PTPRN2: variants seen among roughly 807,000 people sequenced by gnomAD.
PTPRN2 encodes the protein receptor-type tyrosine-protein phosphatase N2.
A neutral mutation model predicts 118.8 loss-of-function variants in PTPRN2; 74 were observed. The observed-to-expected ratio is 0.62, with a 90% CI of 0.52 to 0.76. The LOEUF is 0.76. Ranked by LOEUF, PTPRN2 falls within the 30% of genes least tolerant of loss-of-function variation. The pLI is 0.00. For synonymous variants in PTPRN2, 641 were observed against 608.0 expected (o/e 1.05, Z -0.80); for missense variants, 1,481 against 1,394.4 (o/e 1.06, Z -0.99).
In PTPRN2 at chr7:158,168,796, T is replaced by C. The variant is rs116204240; in HGVS notation, c.550-1505A>G. Among the ~76,000 whole-genome samples, 306 of 152,298 alleles carry C rather than the reference T, an allele frequency of 2.0e-3. 2 individuals are homozygous for C. Among genetic ancestry groups the C allele is most frequent in the Middle Eastern group, 3.4e-3 (1 of 294 alleles). On this transcript the variant is annotated intron_variant, in intron 5 of 22. Transcript: ENST00000389418. ...ATGTCCTCATCACACTTTGTGTCACTAGATAAACCAAGGCCCAGCTGTCCT... is the reference window on the plus strand; with the variant it reads ...ATGTCCTCATCACACTTTGTGTCACCAGATAAACCAAGGCCCAGCTGTCCT...
At chr7:158,497,795 C>T (rs1822061495) in intron 1 of PTPRN2, among the ~76,000 whole-genome samples, 2 of 152,268 alleles carry the variant, frequency 1.3e-5, no homozygotes, top group Admixed American at 1.3e-4. Flanking sequence ...AGGGCCTGCC[C>T]CCTGCACAGC....
intron 2 of PTPRN2, among the ~76,000 whole-genome samples, chr7:158,323,902 T>C (rs557232004): frequency 1.1e-3 from 165 of 152,160 alleles, no homozygotes; most frequent in Non-Finnish European, 1.9e-3. Flanking sequence ...CACACACTTC[T>C]CCCATGCACG....
chr7:158,444,906 C>T (rs996525074), intron 2 of PTPRN2, among the ~76,000 whole-genome samples: 1 of 152,252 alleles, frequency 6.6e-6, no homozygotes, highest in Non-Finnish European at 1.5e-5. Flanking sequence ...CTTTCATCAA[C>T]AATTCTCCCC....
At position 157,982,238 on chromosome 7, in the gene PTPRN2, G is replaced by C. The variant is rs1309178909; in HGVS notation, c.1724-83501C>G. On this transcript the variant is annotated intron_variant, in intron 11 of 22. Coordinates refer to ENST00000389418, the MANE Select transcript of PTPRN2 (RefSeq NM_002847.5). ...AGAGATGAGGAGGGGAATGCAGAGT[G>C]CGGGGTCCCCCCAAACCCCGAGTCA... is the stretch of plus-strand genomic sequence containing the variant. 1.6e-3 allele frequency among the ~76,000 whole-genome samples: 202 copies of C among 123,828 alleles called. 1 individual carries two copies. Among genetic ancestry groups the C allele is most frequent in the African/African-American group, 4.3e-3 (120 of 28,102 alleles). 81.2% of individuals were successfully genotyped at this position (123,828 alleles called of 152,430 possible).
At chr7:157,692,707 C>T (rs1361959685) in intron 12 of PTPRN2, among the ~76,000 whole-genome samples, 1 of 151,948 alleles carries the variant, frequency 6.6e-6, no homozygotes, top group Non-Finnish European at 1.5e-5. Context: ...TCGGCGGGGG[C>T]GCGAGAGGCG....
At chr7:157,686,904 G>T (rs1462502824) in intron 12 of PTPRN2, among the ~76,000 whole-genome samples, 2 of 152,070 alleles carry the variant, frequency 1.3e-5, no homozygotes, top group Non-Finnish European at 2.9e-5. Context: ...AAAATAATCA[G>T]GAATGATTAA....
intron 21 of PTPRN2, among the ~76,000 whole-genome samples, chr7:157,558,876 G>A (rs1273171127): frequency 6.6e-6 from 1 of 152,206 alleles, no homozygotes; most frequent in Non-Finnish European, 1.5e-5. Flanking sequence ...GTTACGCATT[G>A]ACTCAGTTCC....
intron 3 of PTPRN2, among the ~76,000 whole-genome samples, chr7:158,239,438 C>A (rs994565238): frequency 6.6e-6 from 1 of 152,192 alleles, no homozygotes; most frequent in Non-Finnish European, 1.5e-5. Flanking sequence ...CGTAGCGCGG[C>A]CCCCACCCTC....
chr7:157,693,453 C>T (rs996087229), intron 12 of PTPRN2, among the ~76,000 whole-genome samples: 4 of 152,122 alleles, frequency 2.6e-5, no homozygotes, highest in Non-Finnish European at 5.9e-5. Flanking sequence ...CGCGCAGGCC[C>T]CGGGATCGGC....
At chr7:157,582,531 A>G (rs1318889483) in intron 17 of PTPRN2, among the ~76,000 whole-genome samples, 1 of 152,126 alleles carries the variant, frequency 6.6e-6, no homozygotes, top group East Asian at 1.9e-4. Flanking sequence ...GAAGAGACGG[A>G]ACCTTACACA....
At chr7:158,155,784 C>CCATCATTAACACCAT (rs1821762856) in intron 6 of PTPRN2, among the ~76,000 whole-genome samples, 2 of 148,434 alleles carry the variant, frequency 1.3e-5, no homozygotes, top group Non-Finnish European at 3.0e-5. Context: ...ACTATCATTA[C>CCATCATTAACACCAT]CATCATCAAC....
intron 12 of PTPRN2, among the ~76,000 whole-genome samples, chr7:157,847,119 A>T (rs1171527596): frequency 1.4e-5 from 2 of 138,624 alleles, no homozygotes; most frequent in African/African-American, 5.6e-5. Flanking sequence ...TGTGTGCCCG[A>T]TGTCTACAGA....
intron 2 of PTPRN2, among the ~76,000 whole-genome samples, chr7:158,391,314 C>A (rs1457432520): frequency 6.6e-5 from 10 of 152,218 alleles, no homozygotes; most frequent in Non-Finnish European, 1.3e-4. Context: ...AGGCGCCACC[C>A]TCCCTTGTCT....
At chr7:158,120,443 T>C (rs1015088549) in intron 9 of PTPRN2, among the ~76,000 whole-genome samples, 5 of 152,192 alleles carry the variant, frequency 3.3e-5, no homozygotes, top group African/African-American at 4.8e-5. Context: ...TCCAAGGCAG[T>C]GTACCAGCCT....
intron 2 of PTPRN2, among the ~76,000 whole-genome samples, chr7:158,472,397 A>G (rs1301249064): frequency 1.3e-5 from 2 of 152,228 alleles, no homozygotes; most frequent in Non-Finnish European, 2.9e-5. Context: ...ACAAAAATAC[A>G]TGCCCTGTTA....
chr7:158,112,605 G>A (rs1585478398), intron 9 of PTPRN2, among the ~76,000 whole-genome samples: 1 of 152,238 alleles, frequency 6.6e-6, no homozygotes, highest in Admixed American at 6.5e-5. Context: ...AGGCCCAGCT[G>A]GGAGTGGTGC....
chr7:158,199,724 G>T (rs1826483923), intron 4 of PTPRN2, among the ~76,000 whole-genome samples: 1 of 152,178 alleles, frequency 6.6e-6, no homozygotes. Context: ...GAATTCAAAG[G>T]CTTGGGCAGA....
rs1185885428 is a variant in PTPRN2, at chr7:157,881,044, T to G, written c.1788+17629A>C. On this transcript the variant is annotated intron_variant, in intron 12 of 22. Coordinates refer to ENST00000389418, the MANE Select transcript of PTPRN2 (RefSeq NM_002847.5). The surrounding 1 kb of genome is among the most constrained non-coding windows in gnomAD (Gnocchi z 4.7). ...AATGTGACTGTATGTGGAGATGGAG[T>G]TGTCTATAGGAGTCATTACGGTAAA... 6.6e-6 allele frequency among the ~76,000 whole-genome samples: 1 copy of G among 150,868 alleles called. No individual in the cohort carries two copies. The highest frequency in any genetic ancestry group is 2.5e-5 in the African/African-American group (1 of 40,456).
At chr7:158,550,353 G>A (rs1826569577) in intron 1 of PTPRN2, among the ~76,000 whole-genome samples, 2 of 152,356 alleles carry the variant, frequency 1.3e-5, no homozygotes, top group African/African-American at 2.4e-5. Flanking sequence ...AAGATGGAGG[G>A]CAGCAGGACG....
Sources: gnomAD v4.1 joint callset for allele counts (sites outside exome capture counted in the v4.1 genomes callset) on GRCh38, gnomAD v4.1.1 for gene constraint, Gnocchi (gnomAD v3.1) non-coding constraint, MANE v1.5 for transcripts, NCBI Gene and HGNC (gene_info 2026-07-23, HGNC 2026-07-21) for gene names.